SLC5A1: variants seen among roughly 807,000 people sequenced by gnomAD.
SLC5A1 encodes sodium/glucose cotransporter 1.
SLC5A1 carries 42 observed loss-of-function variants against 73.5 expected under a neutral mutation model. The ratio of observed to expected loss-of-function variants is 0.57; its 90% confidence interval spans 0.45 to 0.74. The LOEUF is 0.74. SLC5A1 is among the 30% of genes least tolerant of loss of function. The pLI is 0.00. For synonymous variants in SLC5A1, 300 were observed against 317.4 expected (o/e 0.95, Z 0.58); for missense variants, 634 against 855.4 (o/e 0.74, Z 3.23).
intron 7 of SLC5A1, among the ~76,000 whole-genome samples, 198 bp from the exon 8 acceptor site, chr22:32,084,241 G>T (rs1189107172): frequency 6.6e-6 from 1 of 152,254 alleles, no homozygotes; most frequent in Non-Finnish European, 1.5e-5. Context: ...CCCCCAAGGG[G>T]GCTGGGCAGG....
intron 1 of SLC5A1, 26 bp from the exon 2 acceptor site, chr22:32,049,917 T>A (rs769365120): frequency 5.6e-6 from 9 of 1,606,574 alleles, no homozygotes; most frequent in Middle Eastern, 1.7e-4. Flanking sequence ...AGTTTTCGAT[T>A]ACATTTTTGA....
intron 13 of SLC5A1, among the ~76,000 whole-genome samples, chr22:32,102,769 C>T (rs577245418): frequency 1.3e-5 from 2 of 152,310 alleles, no homozygotes; most frequent in African/African-American, 4.8e-5. Context: ...CTCTCTATCT[C>T]CATGAGTTTG....
intron 2 of SLC5A1, among the ~76,000 whole-genome samples, chr22:32,057,308 C>T (rs1007375583): frequency 2.6e-5 from 4 of 152,170 alleles, no homozygotes; most frequent in African/African-American, 9.7e-5. Context: ...ACTCTGTTGC[C>T]CAAGCTGGAG....
chr22:32,102,053 T>A lies in SLC5A1; in HGVS notation c.1481T>A (p.Leu494Gln). 1 of 1,614,166 alleles carries A rather than the reference T, an allele frequency of 6.2e-7. No homozygotes were observed. ...TTTTGGGGACTGATCCTAGGACTTC[T>A]GATTGGGATTTCACGTATGATTACT... ...GAFWGLILGL[L>Q]IGISRMITEF... The change falls in exon 13 of 15, where the codon CTG (leucine) becomes CAG (glutamine). Residue 494 changes from leucine to glutamine, a missense_variant. Leu to Gln is a moderately radical substitution (Grantham distance 113). This residue lies in a region of SLC5A1 where 422 missense variants were observed against 626.1 expected (regional missense o/e 0.67). Transcript: ENST00000266088.
intron 7 of SLC5A1, 81 bp downstream of exon 7, chr22:32,083,235 T>G: frequency 3.4e-6 from 4 of 1,178,372 alleles, no homozygotes; most frequent in Non-Finnish European, 5.0e-6. Flanking sequence ...CCAGCCTCTC[T>G]ACCTGCTTGC....
chr22:32,074,678 A>G (rs1441432250), intron 5 of SLC5A1, among the ~76,000 whole-genome samples: 4 of 152,174 alleles, frequency 2.6e-5, no homozygotes, highest in African/African-American at 9.7e-5. Context: ...AAGGAGGAGA[A>G]AGTGAAGGAG....
At chr22:32,071,488 G>A (rs895169721) in intron 5 of SLC5A1, among the ~76,000 whole-genome samples, 4 of 152,074 alleles carry the variant, frequency 2.6e-5, no homozygotes, top group African/African-American at 4.8e-5. Context: ...TAATGATAAC[G>A]AACATGGTTA....
chr22:32,068,007 C>T lies in SLC5A1; in HGVS notation c.353C>T (p.Pro118Leu). Residue 118 changes from proline (P) to leucine (L), a missense_variant, in exon 4 of 15, where the codon CCC becomes CTC. Coordinates refer to ENST00000266088, the MANE Select transcript of SLC5A1 (RefSeq NM_000343.4). The stretch of plus-strand genomic sequence containing the variant: ...GTTGTGCTGGGCTGGCTGTTTGTCC[C>T]CATCTATATTAAGGCTGGGGTAAGT... ...LVVVLGWLFVPIYIKAGVVTM... is the reference protein window; with the variant it reads ...LVVVLGWLFVLIYIKAGVVTM... The T allele has an allele frequency of 6.2e-7, 1 of 1,614,074 alleles. No individual in the cohort carries two copies.
At chr22:32,093,384 T>C (rs1378640989) in intron 11 of SLC5A1, among the ~76,000 whole-genome samples, 1 of 152,208 alleles carries the variant, frequency 6.6e-6, no homozygotes, top group Non-Finnish European at 1.5e-5. Context: ...AATTTGTAGA[T>C]TGCTTTTGGC....
Position 32,099,205 on chromosome 22 carries a change from G to T in SLC5A1, c.1303G>T (p.Gly435Cys). The change falls in exon 12 of 15, where the codon GGC (glycine) becomes TGC (cysteine). Residue 435 changes from glycine to cysteine, a missense_variant. Around this residue, in one of 3 missense-constraint regions of SLC5A1, gnomAD observed 422 missense variants for 626.1 expected, o/e 0.67. Coordinates refer to ENST00000266088, the MANE Select transcript of SLC5A1 (RefSeq NM_000343.4). Reference sequence around the variant, plus strand: ...CAGGTTGTTTATCCTGGTGCTGATTGGCATCAGCATCGCCTGGGTGCCCAT... The same window carrying T: ...CAGGTTGTTTATCCTGGTGCTGATTTGCATCAGCATCGCCTGGGTGCCCAT... Reference protein sequence around the residue: ...AGRLFILVLIGISIAWVPIVQ... With the variant: ...AGRLFILVLICISIAWVPIVQ... 1 of 1,609,046 alleles carries T rather than the reference G, an allele frequency of 6.2e-7. No individual in the cohort carries two copies. The highest frequency in any genetic ancestry group is 8.5e-7 in the Non-Finnish European group (1 of 1,177,918).
In SLC5A1 at chr22:32,071,466, T is replaced by A. The variant is rs1185847392; in HGVS notation, c.477+2866T>A. ...TCCTGTCACTAAATAAATAAATAAA[T>A]GAATGAAGATATAATGATAACGAAC... On this transcript the variant is annotated intron_variant, in intron 5 of 14. Transcript: ENST00000266088. Among the ~76,000 whole-genome samples the A allele has an allele frequency of 7.2e-5, 11 of 151,844 alleles. 1 individual carries two copies. Among genetic ancestry groups the A allele is most frequent in the Admixed American group, 5.9e-4 (9 of 15,244 alleles).
intron 5 of SLC5A1, among the ~76,000 whole-genome samples, chr22:32,081,506 T>C (rs1370022737): frequency 1.3e-5 from 2 of 152,158 alleles, no homozygotes; most frequent in African/African-American, 4.8e-5. Flanking sequence ...AGATGGACAA[T>C]AGCTCAGAGC....
intron 3 of SLC5A1, among the ~76,000 whole-genome samples, chr22:32,067,531 T>C (rs1056310638): frequency 2.6e-4 from 39 of 152,040 alleles, no homozygotes; most frequent in African/African-American, 8.9e-4. Context: ...GCCACCATGC[T>C]TGGCGAATTT....
chr22:32,051,273 C>A (rs558013311), intron 2 of SLC5A1, among the ~76,000 whole-genome samples: 6 of 152,124 alleles, frequency 3.9e-5, no homozygotes, highest in African/African-American at 1.4e-4. Flanking sequence ...TGACATTGGG[C>A]AATTCATTAA....
intron 1 of SLC5A1, 119 bp from the exon 2 acceptor site, chr22:32,049,824 A>T: frequency 1.2e-6 from 1 of 828,626 alleles, no homozygotes; most frequent in Non-Finnish European, 2.1e-6. Context: ...AAGGAATGTG[A>T]AAGTGTTTCA....
chr22:32,102,306 A>T, intron 13 of SLC5A1, 69 bp downstream of exon 13: 1 of 1,202,946 alleles, frequency 8.3e-7, no homozygotes, highest in Non-Finnish European at 1.2e-6. Context: ...ATTTTTTTTA[A>T]ATTTTTCATT....
chr22:32,062,471 A>G (rs1323652701), intron 2 of SLC5A1, among the ~76,000 whole-genome samples: 1 of 152,204 alleles, frequency 6.6e-6, no homozygotes, highest in Non-Finnish European at 1.5e-5. Flanking sequence ...GGTCAGACTC[A>G]GTTCATCTTG....
chr22:32,050,166 C>T, intron 2 of SLC5A1, 152 bp downstream of exon 2: 1 of 748,838 alleles, frequency 1.3e-6, no homozygotes, highest in South Asian at 1.4e-5. Context: ...ATCGGGTCTC[C>T]TGGGCACCCT....
intron 2 of SLC5A1, among the ~76,000 whole-genome samples, chr22:32,060,730 T>C (rs79022443): frequency 0.045 from 6,809 of 152,128 alleles, 203 homozygotes; most frequent in Non-Finnish European, 0.07. Context: ...CCACCATGCT[T>C]GGCTAGTTTT....
Sources: gnomAD v4.1 joint callset for allele counts (sites outside exome capture counted in the v4.1 genomes callset) on GRCh38, gnomAD v4.1.1 for gene constraint, gnomAD v4.1.1 regional missense constraint, MANE v1.5 for transcripts, NCBI Gene and HGNC (gene_info 2026-07-23, HGNC 2026-07-21) for gene names.